The following EXOC4 variants were observed in gnomAD, a reference collection of about 807,000 sequenced individuals.
The protein encoded by EXOC4 is exocyst complex component 4.
EXOC4 carries 71 observed loss-of-function variants against 107.2 expected under a neutral mutation model. That is an observed-to-expected ratio of 0.66 (90% CI 0.55 to 0.81). The LOEUF (loss-of-function observed/expected upper bound fraction) is 0.81. Ranked by LOEUF, EXOC4 falls within the 30% of genes least tolerant of loss-of-function variation. EXOC4 has a pLI of 0.00. For synonymous variants in EXOC4, 456 were observed against 441.2 expected, an observed-to-expected ratio of 1.03 and a Z score of -0.42; for missense variants, 1,108 against 1,189.6, an observed-to-expected ratio of 0.93 and a Z score of 1.01.
the EXOC4 span, among the ~76,000 whole-genome samples, chr7:134,073,205 CAA>C: frequency 5.8e-4 from 13 of 22,588 alleles, no homozygotes; most frequent in African/African-American, 2.3e-3. Context: ...GACTTCCTCT[CAA>C]AAAAAAAAAA....
At chr7:133,603,516 TC>T (rs1312284490) in intron 9 of EXOC4, among the ~76,000 whole-genome samples, 1 of 152,210 alleles carries the variant, frequency 6.6e-6, no homozygotes, top group African/African-American at 2.4e-5. Context: ...AGCCTGTCGC[TC>T]CTGATATAGT....
intron 7 of EXOC4, among the ~76,000 whole-genome samples, chr7:133,413,940 A>G (rs1797417477): frequency 6.6e-6 from 1 of 152,170 alleles, no homozygotes; most frequent in South Asian, 2.1e-4. Flanking sequence ...AGACACTTGA[A>G]GCAGATATAA....
chr7:133,677,523 A>G (rs1015034968), intron 10 of EXOC4, among the ~76,000 whole-genome samples: 1 of 152,230 alleles, frequency 6.6e-6, no homozygotes, highest in African/African-American at 2.4e-5. Context: ...TCAGTTTGCA[A>G]TTACAAGCTT....
At chr7:133,609,798 G>C (rs879315339) in intron 9 of EXOC4, among the ~76,000 whole-genome samples, 7 of 152,218 alleles carry the variant, frequency 4.6e-5, no homozygotes, top group Non-Finnish European at 1.0e-4. Context: ...TCTGCTTTCA[G>C]TGACATCATG....
At chr7:134,088,790 C>T in the EXOC4 span, among the ~76,000 whole-genome samples, 1 of 152,212 alleles carries the variant, frequency 6.6e-6, no homozygotes, top group East Asian at 1.9e-4. Context: ...ACATGATTGA[C>T]AAATTTGGTT....
intron 7 of EXOC4, among the ~76,000 whole-genome samples, chr7:133,383,889 C>T (rs944058547): frequency 2.0e-5 from 3 of 152,126 alleles, no homozygotes; most frequent in Non-Finnish European, 4.4e-5. Context: ...CATTGAATCT[C>T]CACAAAAGTG....
At chr7:134,072,570 T>C in the EXOC4 span, among the ~76,000 whole-genome samples, 1 of 152,200 alleles carries the variant, frequency 6.6e-6, no homozygotes, top group Admixed American at 6.5e-5. Context: ...TTCCTGAACA[T>C]GCTGTTTCTC....
At chr7:133,634,724 C>T (rs1273750936) in intron 10 of EXOC4, among the ~76,000 whole-genome samples, 2 of 152,118 alleles carry the variant, frequency 1.3e-5, no homozygotes, top group Admixed American at 6.5e-5. Flanking sequence ...ACAGGTGATC[C>T]GCCCGCCTCG....
intron 9 of EXOC4, among the ~76,000 whole-genome samples, chr7:133,590,416 C>A (rs1275304874): frequency 1.3e-5 from 2 of 151,982 alleles, no homozygotes; most frequent in African/African-American, 4.8e-5. Context: ...CGGCAGGGTC[C>A]CTGGCAAAGG....
intron 4 of EXOC4, among the ~76,000 whole-genome samples, chr7:133,307,725 A>G (rs1357218314): frequency 6.6e-6 from 1 of 152,172 alleles, no homozygotes; most frequent in Non-Finnish European, 1.5e-5. Flanking sequence ...ATTAGGGTAC[A>G]TGACACAAGC....
In EXOC4 at chr7:133,980,387, G is replaced by A. The variant is rs772477519; in HGVS notation, c.2207-17105G>A. Among the ~76,000 whole-genome samples the A allele has an allele frequency of 1.2e-4, 19 of 152,210 alleles. 1 individual carries two copies. ...GCTGAGCACTTACTGTGTGCCGAAG[G>A]TTGTTCTAAATGCTTCATGTGTTTT... On this transcript the variant is annotated intron_variant, in intron 14 of 17. Transcript: ENST00000253861.
At chr7:133,615,333 GACTTTTAGTGAATAGTAAA>G (rs918635921) in intron 9 of EXOC4, among the ~76,000 whole-genome samples, 5 of 151,864 alleles carry the variant, frequency 3.3e-5, no homozygotes, top group African/African-American at 1.2e-4. Flanking sequence ...TATAACGATT[GACTTTTAGTGAATAGTAAA>G]ATTGTCTCTT....
At chr7:133,535,316 G>T (rs946715444) in intron 9 of EXOC4, among the ~76,000 whole-genome samples, 10 of 152,124 alleles carry the variant, frequency 6.6e-5, no homozygotes, top group African/African-American at 2.4e-4. Flanking sequence ...CAGGCCTTCT[G>T]ACTTCAGCTA....
intron 10 of EXOC4, among the ~76,000 whole-genome samples, chr7:133,753,820 A>C (rs1357612119): frequency 6.6e-6 from 1 of 152,196 alleles, no homozygotes; most frequent in East Asian, 1.9e-4. Flanking sequence ...TGTTTTACAG[A>C]GGACTCAGAA....
At chr7:133,800,716 A>G (rs1796921997) in intron 10 of EXOC4, among the ~76,000 whole-genome samples, 1 of 152,202 alleles carries the variant, frequency 6.6e-6, no homozygotes, top group South Asian at 2.1e-4. Flanking sequence ...TTGCTTTCAA[A>G]GTTTAGATGA....
In EXOC4 at chr7:134,064,628, T is replaced by TATCACTGTAGA; in HGVS notation, c.*100_*101insATCACTGTAGA. Reference sequence around the variant, plus strand: ...ATTCTGAGCTTAGTTTTCTCTACAGTGATACTTTAGTGGAGAGGAGGTGTA... The same window carrying TATCACTGTAGA: ...ATTCTGAGCTTAGTTTTCTCTACAGTATCACTGTAGAGATACTTTAGTGGAGAGGAGGTGTA... On this transcript the variant is annotated 3_prime_UTR_variant, in exon 18 of 18. Coordinates refer to ENST00000253861, the MANE Select transcript of EXOC4 (RefSeq NM_021807.4). 2.5e-6 allele frequency: 2 copies of TATCACTGTAGA among 803,654 alleles called. No homozygotes were observed. The highest frequency in any genetic ancestry group is 3.8e-6 in the Non-Finnish European group (2 of 520,690). The allele number at this position is 803,654 out of a possible 1,614,324, so 49.8% of individuals were successfully genotyped here.
intron 10 of EXOC4, among the ~76,000 whole-genome samples, chr7:133,756,309 G>T (rs1361045603): frequency 6.6e-6 from 1 of 152,126 alleles, no homozygotes; most frequent in Non-Finnish European, 1.5e-5. Context: ...TTTAGCTGAG[G>T]AAGCCTAGAC....
intron 10 of EXOC4, among the ~76,000 whole-genome samples, chr7:133,812,451 C>T (rs1797255984): frequency 6.6e-6 from 1 of 152,102 alleles, no homozygotes; most frequent in Non-Finnish European, 1.5e-5. Context: ...TGTAAGTGTT[C>T]CTCTCTTGAC....
intron 5 of EXOC4, among the ~76,000 whole-genome samples, chr7:133,345,512 T>C (rs1795764122): frequency 6.6e-6 from 1 of 152,224 alleles, no homozygotes; most frequent in Non-Finnish European, 1.5e-5. Context: ...TTTAGTAGCC[T>C]CTTCTCCACT....
Sources: allele counts gnomAD v4.1 joint callset (sites outside exome capture counted in the v4.1 genomes callset), GRCh38; gene constraint gnomAD v4.1.1; transcripts MANE v1.5; gene names NCBI Gene and HGNC (gene_info 2026-07-23, HGNC 2026-07-21).